PTPRD: variants seen among roughly 807,000 people sequenced by gnomAD.
PTPRD encodes the protein protein tyrosine phosphatase receptor type D, also known as receptor-type tyrosine-protein phosphatase delta.
A neutral mutation model predicts 214.5 loss-of-function variants in PTPRD; 34 were observed. The observed-to-expected ratio is 0.16, with a 90% CI of 0.12 to 0.21. The LOEUF (loss-of-function observed/expected upper bound fraction) is 0.21, where lower values mean the gene tolerates loss of function less well. PTPRD is among the 10% of genes least tolerant of loss of function. PTPRD has a pLI of 1.00. For missense variants in PTPRD, 2,545 were observed against 2,398.7 expected (o/e 1.06, Z -1.27); for synonymous variants, 1,128 against 845.7 (o/e 1.33, Z -5.79).
At chr9:9,259,172 A>T (rs73390805) in intron 9 of PTPRD, among the ~76,000 whole-genome samples, 6,245 of 151,942 alleles carry the variant, frequency 0.041, 389 homozygotes, top group African/African-American at 0.13. Flanking sequence ...ATAGCTTGGC[A>T]AAACTTCTTC....
At chr9:8,926,823 T>C (rs1252417767) in intron 11 of PTPRD, among the ~76,000 whole-genome samples, 1 of 152,248 alleles carries the variant, frequency 6.6e-6, no homozygotes, top group Non-Finnish European at 1.5e-5. Flanking sequence ...CTAAACCATT[T>C]GAAATTCAAC....
At chr9:10,242,021 G>A (rs936675239) in intron 3 of PTPRD, among the ~76,000 whole-genome samples, 2 of 151,872 alleles carry the variant, frequency 1.3e-5, no homozygotes, top group African/African-American at 4.8e-5. Flanking sequence ...CAGCACTGGA[G>A]TAAAAGGCTA....
chr9:8,320,238 A>C (rs1178267048), intron 44 of PTPRD, among the ~76,000 whole-genome samples: 1 of 152,156 alleles, frequency 6.6e-6, no homozygotes, highest in Non-Finnish European at 1.5e-5. Context: ...CCAAGGAAAC[A>C]TAACAAATGA....
intron 7 of PTPRD, among the ~76,000 whole-genome samples, chr9:9,725,247 T>C (rs1028855672): frequency 5.3e-5 from 8 of 152,026 alleles, no homozygotes; most frequent in African/African-American, 1.4e-4. Flanking sequence ...TCCCATGCTG[T>C]TCCCATGATA....
At chr9:9,964,564 C>A (rs567703554) in intron 4 of PTPRD, among the ~76,000 whole-genome samples, 15 of 152,226 alleles carry the variant, frequency 9.9e-5, no homozygotes, top group African/African-American at 3.6e-4. Context: ...ATCCTCTTGA[C>A]GTGGGTTAGG....
intron 2 of PTPRD, among the ~76,000 whole-genome samples, chr9:10,412,891 G>C (rs2098451940): frequency 6.6e-6 from 1 of 151,690 alleles, no homozygotes; most frequent in African/African-American, 2.4e-5. Context: ...ATGCAAAAAA[G>C]GCTTTAAATA....
intron 11 of PTPRD, among the ~76,000 whole-genome samples, chr9:8,935,224 A>C (rs2098988775): frequency 1.3e-5 from 2 of 152,128 alleles, no homozygotes; most frequent in African/African-American, 4.8e-5. Context: ...TCACCAAAAA[A>C]CTGTTGGAAG....
At chr9:10,458,183 T>A (rs2131147550) in intron 2 of PTPRD, among the ~76,000 whole-genome samples, 1 of 152,190 alleles carries the variant, frequency 6.6e-6, no homozygotes, top group South Asian at 2.1e-4. Context: ...CTGGAGGGCA[T>A]AATTTCACAT....
At chr9:9,595,163 T>G (rs1162429333) in intron 7 of PTPRD, among the ~76,000 whole-genome samples, 1 of 151,380 alleles carries the variant, frequency 6.6e-6, no homozygotes, top group Non-Finnish European at 1.5e-5. Flanking sequence ...GCAACCGCTA[T>G]GGAAAACAGT....
intron 2 of PTPRD, among the ~76,000 whole-genome samples, chr9:10,355,479 C>CTTT (rs1273617961): frequency 2.2e-5 from 3 of 136,710 alleles, no homozygotes; most frequent in African/African-American, 2.7e-5. Flanking sequence ...TATTTCTTTT[C>CTTT]TTTTTTTTTT....
intron 11 of PTPRD, among the ~76,000 whole-genome samples, chr9:8,851,487 T>C (rs1181816732): frequency 2.0e-5 from 3 of 152,298 alleles, no homozygotes; most frequent in East Asian, 3.9e-4. Flanking sequence ...ACACTAATTA[T>C]AGCAGTACAC....
intron 10 of PTPRD, among the ~76,000 whole-genome samples, chr9:9,109,546 G>A (rs1385013809): frequency 6.6e-6 from 1 of 152,034 alleles, no homozygotes; most frequent in Non-Finnish European, 1.5e-5. Flanking sequence ...AACGAATAGT[G>A]GCCATCAATA....
chr9:8,925,921 T>G, intron 11 of PTPRD, among the ~76,000 whole-genome samples: 1 of 150,704 alleles, frequency 6.6e-6, no homozygotes, highest in East Asian at 2.0e-4. Flanking sequence ...ATTAAGTACA[T>G]TTTCCATTCT....
chr9:8,582,653 C>T (rs1183844165), intron 14 of PTPRD, among the ~76,000 whole-genome samples: 1 of 152,094 alleles, frequency 6.6e-6, no homozygotes, highest in Admixed American at 6.5e-5. Flanking sequence ...TACTAGGCAC[C>T]AGTGGGGGGA....
chr9:8,511,095 G>T (rs1364586963), intron 21 of PTPRD, among the ~76,000 whole-genome samples: 1 of 151,882 alleles, frequency 6.6e-6, no homozygotes, highest in African/African-American at 2.4e-5. Context: ...TTGAGACAAG[G>T]TCTTACTCTA....
rs554905695 is a variant in PTPRD at position 10,421,657 on chromosome 9, T to C, written c.-599-80640A>G. ...TATATCAAAAAGGTATCATTTGACA[T>C]AGGCAATAGTGATCCATTTGGTTTC... On this transcript the variant is annotated intron_variant, in intron 2 of 45. Transcript: ENST00000381196. Among the ~76,000 whole-genome samples, 7 of 152,042 alleles carry C rather than the reference T, an allele frequency of 4.6e-5. No individual in the cohort carries two copies. The South Asian group carries it at 6.2e-4, about 14-fold the overall frequency.
chr9:10,038,066 T>C (rs1198550590), intron 3 of PTPRD, among the ~76,000 whole-genome samples: 1 of 152,166 alleles, frequency 6.6e-6, no homozygotes, highest in Non-Finnish European at 1.5e-5. Flanking sequence ...AGACTTGAAT[T>C]TATTTTATCT....
At chr9:10,062,003 T>A (rs1452305224) in intron 3 of PTPRD, among the ~76,000 whole-genome samples, 1 of 151,232 alleles carries the variant, frequency 6.6e-6, no homozygotes, top group Non-Finnish European at 1.5e-5. Flanking sequence ...CAGGGGATTA[T>A]AACGCACACT....
chr9:8,894,396 G>A (rs72704368), intron 11 of PTPRD, among the ~76,000 whole-genome samples: 5,993 of 115,560 alleles, frequency 0.052, 152 homozygotes, highest in South Asian at 0.1. Context: ...GCATGCGACT[G>A]TATGGATAAA....
Sources: allele counts gnomAD v4.1 joint callset (sites outside exome capture counted in the v4.1 genomes callset), GRCh38; gene constraint gnomAD v4.1.1; transcripts MANE v1.5; gene names NCBI Gene and HGNC (gene_info 2026-07-23, HGNC 2026-07-21).